The following KCNIP1 variants were observed in gnomAD, a reference collection of about 807,000 sequenced individuals.
KCNIP1 encodes potassium voltage-gated channel interacting protein 1.
KCNIP1 carries 18 observed loss-of-function variants against 33.0 expected under a neutral mutation model. The observed-to-expected ratio is 0.55, with a 90% confidence interval of 0.38 to 0.81. The LOEUF (loss-of-function observed/expected upper bound fraction) is 0.81, where lower values mean the gene tolerates loss of function less well. Ranked by LOEUF, KCNIP1 falls within the 30% of genes least tolerant of loss-of-function variation. The pLI is 0.00. For missense variants in KCNIP1, 238 were observed against 271.6 expected, an observed-to-expected ratio of 0.88 and a Z score of 0.87; for synonymous variants, 93 against 98.3, an observed-to-expected ratio of 0.95 and a Z score of 0.32.
chr5:170,582,916 A>G (rs776030808), intron 1 of KCNIP1, among the ~76,000 whole-genome samples: 1 of 152,238 alleles, frequency 6.6e-6, no homozygotes, highest in Non-Finnish European at 1.5e-5. Flanking sequence ...CAAATTTATC[A>G]AAGCACAAAG....
intron 1 of KCNIP1, among the ~76,000 whole-genome samples, chr5:170,651,035 G>C (rs1281579152): frequency 1.3e-5 from 2 of 152,196 alleles, no homozygotes; most frequent in Non-Finnish European, 2.9e-5. Context: ...GGGAAATTTA[G>C]GCCCAAAGCC....
chr5:170,709,196 C>A (rs1300686447), intron 1 of KCNIP1, among the ~76,000 whole-genome samples: 3 of 152,154 alleles, frequency 2.0e-5, no homozygotes, highest in South Asian at 2.1e-4. Flanking sequence ...ATCTTCTATA[C>A]CCCTATTGAT....
chr5:170,636,478 A>T (rs1028470877), intron 1 of KCNIP1, among the ~76,000 whole-genome samples: 2 of 152,156 alleles, frequency 1.3e-5, no homozygotes, highest in Non-Finnish European at 2.9e-5. Context: ...CTGCCTTCTC[A>T]TGCCAGCAGC....
In KCNIP1 at chr5:170,687,446, A is replaced by T. The variant is rs569650666; in HGVS notation, c.62-31312A>T. 8.5e-5 allele frequency among the ~76,000 whole-genome samples: 13 copies of T among 152,282 alleles called. No individual in the cohort carries two copies. In the South Asian group the frequency reaches 2.7e-3, roughly 32 times the overall value. ...CCACGCACTTCGGCCTCCCAAAGTA[A>T]TCACTGCTGGGATTACAGAAGTGAG... is the stretch of plus-strand genomic sequence containing the variant. On this transcript the variant is annotated intron_variant, in intron 1 of 7. Coordinates refer to ENST00000328939, the MANE Select transcript of KCNIP1 (RefSeq NM_014592.4).
intron 1 of KCNIP1, among the ~76,000 whole-genome samples, chr5:170,461,418 A>T (rs1756498032): frequency 6.6e-6 from 1 of 152,190 alleles, no homozygotes; most frequent in Non-Finnish European, 1.5e-5. Flanking sequence ...CTATACTATA[A>T]GGCCATAGTC....
At position 170,443,960 on chromosome 5, in the gene KCNIP1, TG is replaced by T. The variant is rs1344092528; in HGVS notation, c.88+89999del. Among the ~76,000 whole-genome samples, 3 of 152,356 alleles carry T rather than the reference TG, an allele frequency of 2.0e-5. No individual in the cohort carries two copies. The East Asian group carries it at 5.8e-4, about 29-fold the overall frequency. On this transcript the variant is annotated intron_variant, in intron 1 of 7. Transcript: ENST00000377360. ...CAGGTTCTGGTGAGGACCTCCCAGGTGGGTGTAAATTTGCAAACCCAAATGG... is the reference window on the plus strand; with the variant it reads ...CAGGTTCTGGTGAGGACCTCCCAGGTGGTGTAAATTTGCAAACCCAAATGG...
intron 1 of KCNIP1, among the ~76,000 whole-genome samples, chr5:170,357,631 G>A (rs1763383563): frequency 6.6e-6 from 1 of 152,192 alleles, no homozygotes; most frequent in Admixed American, 6.5e-5. Context: ...CTGGGCTCAA[G>A]CAATCCTCCC....
At chr5:170,687,723 C>T (rs905372944) in intron 1 of KCNIP1, among the ~76,000 whole-genome samples, 2 of 152,196 alleles carry the variant, frequency 1.3e-5, no homozygotes, top group Non-Finnish European at 1.5e-5. Context: ...AAGGTTTGAA[C>T]CCCAACACTG....
intron 1 of KCNIP1, among the ~76,000 whole-genome samples, chr5:170,472,105 A>G (rs1420633753): frequency 1.3e-5 from 2 of 152,144 alleles, no homozygotes; most frequent in African/African-American, 4.8e-5. Flanking sequence ...AGCACCAAAC[A>G]TGGAGTCAGG....
chr5:170,378,967 A>G, intron 1 of KCNIP1: 1 of 1,613,922 alleles, frequency 6.2e-7, no homozygotes, highest in Middle Eastern at 1.7e-4. Context: ...CCTGGGATGT[A>G]GGAGCACTGT....
At chr5:170,688,813 TC>T (rs1561766349) in intron 1 of KCNIP1, among the ~76,000 whole-genome samples, 1 of 152,224 alleles carries the variant, frequency 6.6e-6, no homozygotes, top group African/African-American at 2.4e-5. Flanking sequence ...CTGGGCCATG[TC>T]CACCCTGCAC....
intron 1 of KCNIP1, among the ~76,000 whole-genome samples, chr5:170,436,005 C>A (rs1433678261): frequency 6.6e-6 from 1 of 152,124 alleles, no homozygotes; most frequent in Non-Finnish European, 1.5e-5. Context: ...TGCCCAAAGC[C>A]CTTCATTGAC....
At chr5:170,514,236 T>G (rs978659409) in intron 1 of KCNIP1, among the ~76,000 whole-genome samples, 2 of 152,180 alleles carry the variant, frequency 1.3e-5, no homozygotes, top group Non-Finnish European at 2.9e-5. Context: ...GATGTTCTGG[T>G]GGAGACCATG....
chr5:170,473,785 A>G (rs1462660210), intron 1 of KCNIP1, among the ~76,000 whole-genome samples: 2 of 152,034 alleles, frequency 1.3e-5, no homozygotes, highest in Non-Finnish European at 2.9e-5. Flanking sequence ...TTGTTCAGCA[A>G]TTCACCCCCA....
chr5:170,462,154 A>G (rs751253229), intron 1 of KCNIP1, among the ~76,000 whole-genome samples: 8 of 152,096 alleles, frequency 5.3e-5, no homozygotes, highest in Non-Finnish European at 8.8e-5. Flanking sequence ...AGCAAAATGA[A>G]CAGTCAGCAG....
At position 170,590,565 on chromosome 5, in the gene KCNIP1, G is replaced by A. The variant is rs201586082; in HGVS notation, c.61+85932G>A. On this transcript the variant is annotated intron_variant, in intron 1 of 7. Transcript: ENST00000328939. ...GCACTAGGTCAGAGGGTGATGGGAGGGGTGAGGGAGGTTCCAGTCTCACGC... is the reference window on the plus strand; with the variant it reads ...GCACTAGGTCAGAGGGTGATGGGAGAGGTGAGGGAGGTTCCAGTCTCACGC... Among the ~76,000 whole-genome samples the A allele has an allele frequency of 2.0e-5, 3 of 152,206 alleles. No individual in the cohort carries two copies. The East Asian group carries it at 5.8e-4, about 29-fold the overall frequency.
intron 1 of KCNIP1, among the ~76,000 whole-genome samples, chr5:170,643,995 G>A (rs185985345): frequency 7.7e-4 from 118 of 152,308 alleles, no homozygotes; most frequent in African/African-American, 2.7e-3. Context: ...TCCCCTCAGC[G>A]TTTCCTTCTC....
chr5:170,598,500 G>A lies in KCNIP1; in HGVS notation c.61+93867G>A, dbSNP rs535381280. Reference sequence around the variant, plus strand: ...GGCCAACCCATTCTCTGTGTGCCCCGGACAAGGTACCTACCCTGTGAGTAT... The same window carrying A: ...GGCCAACCCATTCTCTGTGTGCCCCAGACAAGGTACCTACCCTGTGAGTAT... On this transcript the variant is annotated intron_variant, in intron 1 of 7. Transcript: ENST00000328939. Among the ~76,000 whole-genome samples the A allele has an allele frequency of 1.3e-4, 20 of 152,132 alleles. No individual in the cohort carries two copies. In the South Asian group the frequency reaches 2.9e-3, roughly 22 times the overall value.
At chr5:170,674,181 AAGGGAGGGAGGG>A (rs1308156609) in intron 1 of KCNIP1, among the ~76,000 whole-genome samples, 30 of 38,504 alleles carry the variant, frequency 7.8e-4, no homozygotes, top group Middle Eastern at 0.018. Flanking sequence ...GGAAGGAAGG[AAGGGAGGGAGGG>A]AGGGAGGGAG....
Sources: allele counts gnomAD v4.1 joint callset (sites outside exome capture counted in the v4.1 genomes callset), GRCh38; gene constraint gnomAD v4.1.1; transcripts MANE v1.5; gene names NCBI Gene and HGNC (gene_info 2026-07-23, HGNC 2026-07-21).